RNF128: variants seen among roughly 807,000 people sequenced by gnomAD.
RNF128 encodes ring finger protein 128.
In RNF128, 13 loss-of-function variants were observed where a neutral mutation model predicts 26.2. That is an observed-to-expected ratio of 0.50 (90% CI 0.32 to 0.79). The LOEUF is 0.79. RNF128 is among the 30% of genes least tolerant of loss of function. The probability of loss-of-function intolerance (pLI) is 0.03; values close to 1 mark genes in which losing one functional copy is unlikely to be tolerated. For missense variants in RNF128, 315 were observed against 349.7 expected, an observed-to-expected ratio of 0.90 and a Z score of 0.79; for synonymous variants, 149 against 142.5, an observed-to-expected ratio of 1.05 and a Z score of -0.32.
intron 1 of RNF128, among the ~76,000 whole-genome samples, chrX:106,769,289 G>C (rs185538231): frequency 2.1e-4 from 23 of 111,023 alleles, no homozygotes; most frequent in African/African-American, 7.5e-4. Context: ...CTGTCTCGTT[G>C]ATCTGTCTAA....
intron 1 of RNF128, among the ~76,000 whole-genome samples, chrX:106,737,654 A>G (rs1382637404): frequency 9.0e-6 from 1 of 111,591 alleles, no homozygotes; most frequent in Non-Finnish European, 1.9e-5. Flanking sequence ...ACTCATGGAT[A>G]TGGAGGGCTG....
intron 1 of RNF128, among the ~76,000 whole-genome samples, chrX:106,706,093 C>G (rs984688660): frequency 9.0e-6 from 1 of 111,671 alleles, no homozygotes; most frequent in Admixed American, 9.5e-5. Context: ...CACATGATAC[C>G]TCCACGACAT....
At chrX:106,722,774 T>C (rs538360204), upstream of RNF128, among the ~76,000 whole-genome samples, 1 of 111,761 alleles carries the variant, frequency 8.9e-6, no homozygotes, top group East Asian at 2.8e-4. Flanking sequence ...GTGGACCAGA[T>C]ACTAGTGTTT....
intron 1 of RNF128, among the ~76,000 whole-genome samples, chrX:106,744,710 C>G (rs183540647): frequency 1.8e-5 from 2 of 111,491 alleles, no homozygotes; most frequent in Admixed American, 1.9e-4. Context: ...CCACCCACCT[C>G]GGCCTCCCAA....
chrX:106,694,451 T>A, intron 1 of RNF128: 1 of 1,044,946 alleles, frequency 9.6e-7, no homozygotes, highest in Non-Finnish European at 1.3e-6. Context: ...TGTCCGTTTA[T>A]CTTAGAATGG....
chrX:106,714,682 T>C (rs1481451714), intron 1 of RNF128, among the ~76,000 whole-genome samples: 1 of 112,061 alleles, frequency 8.9e-6, no homozygotes. Context: ...CTTCGTATTG[T>C]CCCTTTATAG....
chrX:106,776,720 T>A (rs762035020), intron 2 of RNF128, among the ~76,000 whole-genome samples: 2 of 111,704 alleles, frequency 1.8e-5, no homozygotes, highest in South Asian at 7.6e-4. Flanking sequence ...TTATGGAATT[T>A]TTTTTTGTAA....
intron 1 of RNF128, among the ~76,000 whole-genome samples, chrX:106,728,828 A>G (rs1929453727): frequency 9.0e-6 from 1 of 111,716 alleles, no homozygotes; most frequent in Admixed American, 9.5e-5. Context: ...AAGTAGATGA[A>G]CTCTAAGATC....
chrX:106,718,730 T>C (rs746562851), intron 1 of RNF128, among the ~76,000 whole-genome samples: 1 of 111,866 alleles, frequency 8.9e-6, no homozygotes, highest in African/African-American at 3.3e-5. Context: ...ATAAAATACC[T>C]TATTGTTGAA....
chrX:106,750,265 C>G (rs776580730), intron 1 of RNF128, among the ~76,000 whole-genome samples: 16 of 112,245 alleles, frequency 1.4e-4, no homozygotes, highest in African/African-American at 5.2e-4. Context: ...ACATTTACTA[C>G]TGCACCCATG....
intron 1 of RNF128, among the ~76,000 whole-genome samples, chrX:106,727,693 G>A (rs1378149887): frequency 9.0e-6 from 1 of 111,336 alleles, no homozygotes; most frequent in East Asian, 2.8e-4. Context: ...TTTTCACAAG[G>A]GTGTCTAGCC....
rs1238022723 is a variant in RNF128 at position 106,727,027 on chromosome X, G to A, written c.114G>A (p.Gly38=). 9 of 1,205,975 alleles carry A rather than the reference G, an allele frequency of 7.5e-6. No individual in the cohort carries two copies. Among genetic ancestry groups the A allele is most frequent in the South Asian group, 1.8e-5 (1 of 55,588 alleles). ...ALSPQAPGSR[G]AEAVWTAYLN... Reference sequence around the variant, plus strand: ...GTCCGCAGGCACCCGGTTCCCGGGGGGCTGAAGCAGTGTGGACCGCGTACC... The same window carrying A: ...GTCCGCAGGCACCCGGTTCCCGGGGAGCTGAAGCAGTGTGGACCGCGTACC... Residue 38 remains glycine (G), a synonymous_variant, in exon 1 of 7, where the codon GGG becomes GGA. Transcript: ENST00000255499.
intron 2 of RNF128, among the ~76,000 whole-genome samples, chrX:106,774,766 T>C (rs956303318): frequency 2.0e-4 from 22 of 111,816 alleles, no homozygotes; most frequent in Non-Finnish European, 5.6e-5. Context: ...GAAAGCTCAG[T>C]AGGGATTTAA....
intron 1 of RNF128, among the ~76,000 whole-genome samples, chrX:106,762,407 G>A (rs895559446): frequency 1.8e-5 from 2 of 108,223 alleles, no homozygotes; most frequent in African/African-American, 3.4e-5. Flanking sequence ...CCTCTGCCTC[G>A]GGTTCAAGCG....
chrX:106,771,184 G>T (rs1204092734), intron 1 of RNF128, among the ~76,000 whole-genome samples: 1 of 112,763 alleles, frequency 8.9e-6, no homozygotes. Flanking sequence ...GTGTCTCCTA[G>T]TTAGGCTACT....
intron 1 of RNF128, among the ~76,000 whole-genome samples, chrX:106,698,153 G>A (rs746854017): frequency 9.5e-6 from 1 of 105,294 alleles, no homozygotes; most frequent in Non-Finnish European, 1.9e-5. Flanking sequence ...TCAAGCAGAA[G>A]ACGCGTAACA....
At chrX:106,712,482 A>G (rs1292187657) in intron 1 of RNF128, among the ~76,000 whole-genome samples, 8 of 112,583 alleles carry the variant, frequency 7.1e-5, no homozygotes, top group Non-Finnish European at 1.5e-4. Context: ...GCTTTGATAA[A>G]TCACTAACAC....
chrX:106,756,134 T>A (rs1462061761), intron 1 of RNF128, among the ~76,000 whole-genome samples: 3 of 111,543 alleles, frequency 2.7e-5, no homozygotes, highest in African/African-American at 9.8e-5. Context: ...GTAGGAAGAA[T>A]CAATATCTTG....
chrX:106,780,920 T>G (rs932085656), intron 2 of RNF128, among the ~76,000 whole-genome samples: 2 of 112,454 alleles, frequency 1.8e-5, no homozygotes, highest in Non-Finnish European at 3.8e-5. Context: ...ACAATGTTGT[T>G]AATGATTAAA....
Sources: allele counts gnomAD v4.1 joint callset (sites outside exome capture counted in the v4.1 genomes callset), GRCh38; gene constraint gnomAD v4.1.1; transcripts MANE v1.5; gene names NCBI Gene and HGNC (gene_info 2026-07-23, HGNC 2026-07-21).